Variants in LSP1 observed in about 807,000 individuals in gnomAD.
LSP1 encodes the protein lymphocyte specific protein 1, also known as lymphocyte-specific protein 1.
In LSP1, 32 loss-of-function variants were observed where a neutral mutation model predicts 49.3. The ratio of observed to expected loss-of-function variants is 0.65; its 90% CI spans 0.49 to 0.87. LSP1 has a LOEUF of 0.87. LSP1 is among the 40% of genes least tolerant of loss of function. The pLI, the probability that LSP1 is intolerant of heterozygous loss-of-function variation, is 0.00. For missense variants in LSP1, 428 were observed against 442.6 expected, an observed-to-expected ratio of 0.97 and a Z score of 0.30; for synonymous variants, 179 against 178.8, an observed-to-expected ratio of 1.00 and a Z score of -0.01.
chr11:1,889,695 G>T (rs1848908281), intron 10 of LSP1: 1 of 640,082 alleles, frequency 1.6e-6, no homozygotes, highest in South Asian at 1.8e-5. Context: ...AGCCATCGGG[G>T]GCTCCTCCAG....
At chr11:1,891,011 G>T (rs903056724) in intron 10 of LSP1, 2 of 166,830 alleles carry the variant, frequency 1.2e-5, no homozygotes, top group African/African-American at 4.8e-5. Context: ...CAAGCCCAGG[G>T]CTGGAAGAGC....
chr11:1,890,265 A>T (rs1218946224), intron 10 of LSP1: 1 of 713,850 alleles, frequency 1.4e-6, no homozygotes, highest in Non-Finnish European at 2.6e-6. Context: ...GGCAGCCACC[A>T]TGCGGGGAGC....
In LSP1 at chr11:1,878,234, TGC is replaced by T. The variant is rs150977718; in HGVS notation, c.54-1850_54-1849del. On this transcript the variant is annotated intron_variant, in intron 1 of 10. Transcript: ENST00000311604. ...ACCTCCTCAACACTCTGCCCCAGCCTGCGCCGCCCTCTGTGTGGAGGGGCTGG... is the reference window on the plus strand; with the variant it reads ...ACCTCCTCAACACTCTGCCCCAGCCTGCCGCCCTCTGTGTGGAGGGGCTGG... 9.6e-3 allele frequency among the ~76,000 whole-genome samples: 1,463 copies of T among 152,134 alleles called. 25 individuals are homozygous for T. Among genetic ancestry groups the T allele is most frequent in the African/African-American group, 0.032 (1,316 of 41,506 alleles).
chr11:1,868,733 G>A, intron 1 of LSP1: 1 of 985,806 alleles, frequency 1.0e-6, no homozygotes, highest in Non-Finnish European at 1.2e-6. Flanking sequence ...CGAGCCAGCA[G>A]CAGGGGTGCA....
chr11:1,881,199 T>C, intron 2 of LSP1: 1 of 503,062 alleles, frequency 2.0e-6, no homozygotes, highest in Non-Finnish European at 3.5e-6. Flanking sequence ...CAAGGAGTCC[T>C]GGACTGATGG....
intron 1 of LSP1, chr11:1,870,223 GC>G (rs1245269298): frequency 7.2e-6 from 9 of 1,250,604 alleles, no homozygotes; most frequent in Admixed American, 2.3e-5. Context: ...GTCTCCCACG[GC>G]CCACTGAAGC....
At chr11:1,873,594 A>G (rs1216294944) in intron 1 of LSP1, among the ~76,000 whole-genome samples, 1 of 145,646 alleles carries the variant, frequency 6.9e-6, no homozygotes. Flanking sequence ...AGAAGGGAGG[A>G]TGGAGAAGGG....
intron 10 of LSP1, chr11:1,889,612 G>T: frequency 1.6e-6 from 1 of 615,198 alleles, no homozygotes; most frequent in Non-Finnish European, 3.0e-6. Context: ...GGGCATGGGT[G>T]AGGGCCTGAT....
At chr11:1,864,266 G>A in intron 1 of LSP1, 1 of 987,970 alleles carries the variant, frequency 1.0e-6, no homozygotes, top group Non-Finnish European at 1.2e-6. Flanking sequence ...CGAGGGGCTG[G>A]ACAAGAACGG....
intron 1 of LSP1, among the ~76,000 whole-genome samples, chr11:1,856,686 C>T (rs1239780851): frequency 2.0e-5 from 3 of 152,238 alleles, no homozygotes; most frequent in Non-Finnish European, 2.9e-5. Flanking sequence ...GCTGGAGGCC[C>T]CCGGCAGCCC....
At chr11:1,881,368 G>T in intron 2 of LSP1, 64 bp from the exon 3 acceptor site, 1 of 1,470,688 alleles carries the variant, frequency 6.8e-7, no homozygotes, top group Non-Finnish European at 9.1e-7. Flanking sequence ...CGTGAGGTGA[G>T]TGTGGGCCCT....
intron 1 of LSP1, among the ~76,000 whole-genome samples, chr11:1,877,013 T>A (rs1848338421): frequency 6.6e-6 from 1 of 152,100 alleles, no homozygotes; most frequent in African/African-American, 2.4e-5. Flanking sequence ...ACACAGGAAA[T>A]CGCCTAATTG....
intron 2 of LSP1, chr11:1,880,862 G>A (rs143662322): frequency 7.8e-4 from 121 of 154,242 alleles, no homozygotes; most frequent in Non-Finnish European, 9.2e-4. Flanking sequence ...CAGCCCTTGG[G>A]GAGCCCCAGG....
chr11:1,870,025 A>G, intron 1 of LSP1: 1 of 399,094 alleles, frequency 2.5e-6, no homozygotes. Flanking sequence ...TGCACCTCCG[A>G]GCCTCCGTTT....
chr11:1,869,645 C>T (rs982075058), intron 1 of LSP1: 6 of 469,958 alleles, frequency 1.3e-5, no homozygotes, highest in African/African-American at 1.0e-4. Context: ...CTGTCTCACA[C>T]AGCTTCTTGG....
intron 1 of LSP1, among the ~76,000 whole-genome samples, chr11:1,856,833 G>A (rs911746261): frequency 6.6e-6 from 1 of 152,238 alleles, no homozygotes; most frequent in Non-Finnish European, 1.5e-5. Flanking sequence ...AATGCTCCAC[G>A]CTGGGGCAGG....
chr11:1,879,012 G>T (rs1417288843), intron 1 of LSP1, among the ~76,000 whole-genome samples: 1 of 152,124 alleles, frequency 6.6e-6, no homozygotes, highest in Non-Finnish European at 1.5e-5. Flanking sequence ...AGGCTCTGAG[G>T]GCAGAAGCAC....
intron 1 of LSP1, among the ~76,000 whole-genome samples, chr11:1,860,382 T>G (rs762636124): frequency 1.3e-5 from 2 of 151,710 alleles, no homozygotes; most frequent in African/African-American, 4.8e-5. Context: ...GATGGGCAGA[T>G]GGATGGGGTG....
intron 7 of LSP1, among the ~76,000 whole-genome samples, chr11:1,885,997 A>G (rs1479018099): frequency 6.6e-6 from 1 of 151,730 alleles, no homozygotes; most frequent in African/African-American, 2.4e-5. Flanking sequence ...CATCCAATTA[A>G]TGCCTCTCCA....
Sources: gnomAD v4.1 joint callset for allele counts (sites outside exome capture counted in the v4.1 genomes callset) on GRCh38, gnomAD v4.1.1 for gene constraint, MANE v1.5 for transcripts, NCBI Gene and HGNC (gene_info 2026-07-23, HGNC 2026-07-21) for gene names.